The following DNAH12 variants were observed in gnomAD, a reference collection of about 807,000 sequenced individuals.
The protein encoded by DNAH12 is dynein axonemal heavy chain 12, also known as axonemal beta dynein heavy chain 12.
Under a neutral mutation model 371.5 loss-of-function variants are expected in DNAH12, and 285 were observed. The ratio of observed to expected loss-of-function variants is 0.77; its 90% CI spans 0.70 to 0.85. The LOEUF is 0.85. Ranked by LOEUF, DNAH12 falls within the 40% of genes least tolerant of loss-of-function variation. DNAH12 has a pLI of 0.00. For synonymous variants in DNAH12, 1,200 were observed against 1,213.0 expected, an observed-to-expected ratio of 0.99 and a Z score of 0.22; for missense variants, 3,611 against 3,689.4, an observed-to-expected ratio of 0.98 and a Z score of 0.55.
chr3:57,302,530 T>TTC (rs1491216827), intron 69 of DNAH12, among the ~76,000 whole-genome samples: 17 of 17,526 alleles, frequency 9.7e-4, no homozygotes, highest in African/African-American at 2.9e-3. Context: ...GCATCAGGTG[T>TTC]ATATATATAT....
intron 69 of DNAH12, 73 bp downstream of exon 69, chr3:57,309,078 A>C: frequency 7.9e-7 from 1 of 1,257,914 alleles, no homozygotes; most frequent in Non-Finnish European, 1.1e-6. Context: ...CCAACACTTC[A>C]ACACTATTTT....
intron 55 of DNAH12, among the ~76,000 whole-genome samples, chr3:57,368,907 T>C (rs981042765): frequency 1.3e-5 from 2 of 152,064 alleles, no homozygotes; most frequent in East Asian, 1.9e-4. Flanking sequence ...AAATTTTCTT[T>C]TAAAAATATA....
Position 57,433,765 on chromosome 3 carries a change from C to G in DNAH12, c.4719G>C (p.Thr1573=). The stretch of plus-strand genomic sequence containing the variant: ...AGCCATGTTCATTCATTAAAGTTAG[C>G]GTATCCGCCAGCACATGCAGAACTT... The part of the protein sequence containing the change: ...KTKVLHVLAD[T]LTLMNEHGYG... Residue 1573 remains threonine, a synonymous_variant, in exon 31 of 74, where the codon ACG becomes ACC. Transcript: ENST00000495027. 2 of 1,551,084 alleles carry G rather than the reference C, an allele frequency of 1.3e-6. No homozygotes were observed. Among genetic ancestry groups the G allele is most frequent in the Non-Finnish European group, 1.7e-6 (2 of 1,146,798 alleles).
chr3:57,538,834 C>T (rs1037035920), intron 2 of DNAH12, among the ~76,000 whole-genome samples: 3 of 152,182 alleles, frequency 2.0e-5, no homozygotes, highest in African/African-American at 7.2e-5. Context: ...TTTACATCTC[C>T]AGCCTAGACT....
intron 69 of DNAH12, among the ~76,000 whole-genome samples, chr3:57,302,725 A>C (rs2061387310): frequency 6.7e-6 from 1 of 149,586 alleles, no homozygotes; most frequent in Middle Eastern, 3.2e-3. Flanking sequence ...GCAGGCATGC[A>C]CCACCACACC....
At chr3:57,482,449 T>C in intron 13 of DNAH12, among the ~76,000 whole-genome samples, 1 of 151,096 alleles carries the variant, frequency 6.6e-6, no homozygotes, top group East Asian at 1.9e-4. Context: ...TGTGGAGAAA[T>C]AGGAGCACTT....
At chr3:57,325,038 A>C in intron 62 of DNAH12, among the ~76,000 whole-genome samples, 1 of 152,244 alleles carries the variant, frequency 6.6e-6, no homozygotes, top group Non-Finnish European at 1.5e-5. Flanking sequence ...GCCATTGCCC[A>C]GGCTTGCTTA....
intron 32 of DNAH12, among the ~76,000 whole-genome samples, chr3:57,433,158 A>G (rs2065005815): frequency 7.2e-6 from 1 of 139,852 alleles, no homozygotes; most frequent in Non-Finnish European, 1.5e-5. Context: ...TTTTAATACA[A>G]TATACTTTCA....
At chr3:57,381,297 T>C (rs1356766861) in intron 50 of DNAH12, among the ~76,000 whole-genome samples, 9 of 151,752 alleles carry the variant, frequency 5.9e-5, no homozygotes, top group African/African-American at 1.9e-4. Context: ...AGAGCCTATA[T>C]ATTTTCTTTA....
chr3:57,359,827 A>AT (rs1420293497), intron 58 of DNAH12, among the ~76,000 whole-genome samples: 7 of 152,140 alleles, frequency 4.6e-5, no homozygotes, highest in African/African-American at 1.2e-4. Context: ...GGAAAAGCAG[A>AT]TTTTGACTAT....
At chr3:57,426,898 T>C (rs1317463134) in intron 34 of DNAH12, among the ~76,000 whole-genome samples, 1 of 151,730 alleles carries the variant, frequency 6.6e-6, no homozygotes, top group Non-Finnish European at 1.5e-5. Flanking sequence ...CATTACTCAT[T>C]ATGTGGAAAG....
intron 13 of DNAH12, among the ~76,000 whole-genome samples, chr3:57,475,441 A>G (rs1266282974): frequency 6.6e-6 from 1 of 152,216 alleles, no homozygotes; most frequent in East Asian, 1.9e-4. Context: ...CTGTTCATCA[A>G]AAACACCATT....
intron 2 of DNAH12, among the ~76,000 whole-genome samples, chr3:57,537,030 G>GA (rs1040275504): frequency 4.3e-5 from 4 of 93,524 alleles, no homozygotes; most frequent in African/African-American, 1.2e-4. Flanking sequence ...TCATCTCTAC[G>GA]AAAAAATACA....
intron 55 of DNAH12, among the ~76,000 whole-genome samples, chr3:57,371,121 T>C (rs1289546966): frequency 1.3e-5 from 2 of 152,156 alleles, no homozygotes; most frequent in Admixed American, 6.6e-5. Context: ...AAAATTAACA[T>C]GTTTGTGGCC....
intron 58 of DNAH12, among the ~76,000 whole-genome samples, chr3:57,361,820 A>G (rs1280238602): frequency 6.6e-6 from 1 of 152,048 alleles, no homozygotes. Flanking sequence ...TACCTTACCA[A>G]TCCAATAATA....
chr3:57,387,424 A>G (rs1169120854), intron 45 of DNAH12, among the ~76,000 whole-genome samples: 2 of 152,196 alleles, frequency 1.3e-5, no homozygotes, highest in Middle Eastern at 3.2e-3. Flanking sequence ...TTAAAATGAA[A>G]AAAGGATAAT....
In DNAH12 at chr3:57,453,348, A is replaced by G. The variant is rs2065811181; in HGVS notation, c.3512T>C (p.Leu1171Pro). 7 of 1,551,210 alleles carry G rather than the reference A, an allele frequency of 4.5e-6. No individual in the cohort carries two copies. Among genetic ancestry groups the G allele is most frequent in the Non-Finnish European group, 6.1e-6 (7 of 1,146,788 alleles). ...LQNQLNEIVE[L>P]VRGKLSKQTR... The stretch of plus-strand genomic sequence containing the variant: ...CTGCTTAGACAACTTTCCTCTTACC[A>G]GCTCTACAATCTCATTCAGTTGGTT... Residue 1171 changes from leucine to proline, a missense_variant, in exon 24 of 74, where the codon CTG becomes CCG. Transcript: ENST00000495027.
At chr3:57,534,031 T>G (rs2068941176) in intron 2 of DNAH12, among the ~76,000 whole-genome samples, 1 of 152,204 alleles carries the variant, frequency 6.6e-6, no homozygotes, top group Admixed American at 6.5e-5. Flanking sequence ...AGAACTCAAG[T>G]TCTGATCACT....
chr3:57,472,615 G>C lies in DNAH12; in HGVS notation c.1707C>G (p.Asp569Glu), dbSNP rs1358286473. The C allele has an allele frequency of 6.4e-7, 1 of 1,551,080 alleles. No individual in the cohort carries two copies. Among genetic ancestry groups the C allele is most frequent in the Non-Finnish European group, 8.7e-7 (1 of 1,146,758 alleles). ...TGAGGACAGTTGCATTTAAAGCTAA[G>C]TCTTCTTGAGGAAATAGGAAAACAT... ...FLDVFLFPQE[D>E]LALNATVLMW... The change falls in exon 14 of 74, where the codon GAC (aspartate) becomes GAG (glutamate). Residue 569 changes from aspartate (D) to glutamate (E), a missense_variant. By Grantham distance (45) the Asp-to-Glu change is conservative (BLOSUM62 2). Transcript: ENST00000495027.
Sources: allele counts gnomAD v4.1 joint callset (sites outside exome capture counted in the v4.1 genomes callset), GRCh38; gene constraint gnomAD v4.1.1; transcripts MANE v1.5; gene names NCBI Gene and HGNC (gene_info 2026-07-23, HGNC 2026-07-21).